The following TSHZ1 variants were observed in gnomAD, a reference collection of about 807,000 sequenced individuals.
TSHZ1 encodes the protein teashirt homolog 1.
In TSHZ1, 12 loss-of-function variants were observed where a neutral mutation model predicts 67.1. The ratio of observed to expected loss-of-function variants is 0.18; its 90% CI spans 0.11 to 0.29. TSHZ1 has a LOEUF of 0.29. TSHZ1 is among the 10% of genes least tolerant of loss of function. The pLI, the probability that TSHZ1 is intolerant of heterozygous loss-of-function variation, is 1.00. For missense variants in TSHZ1, 1,305 were observed against 1,413.9 expected (o/e 0.92, Z 1.23); for synonymous variants, 632 against 622.4 (o/e 1.02, Z -0.23).
At chr18:75,255,319 C>T (rs1019606978) in intron 1 of TSHZ1, among the ~76,000 whole-genome samples, 4 of 152,148 alleles carry the variant, frequency 2.6e-5, no homozygotes, top group African/African-American at 9.7e-5. Flanking sequence ...TGGTATGCTG[C>T]TCTTCCATGC....
At chr18:75,226,753 A>C (rs1318644902) in intron 1 of TSHZ1, among the ~76,000 whole-genome samples, 1 of 152,102 alleles carries the variant, frequency 6.6e-6, no homozygotes, top group Non-Finnish European at 1.5e-5. Context: ...CATTTATCAA[A>C]GGGGCCAGGC....
intron 1 of TSHZ1, among the ~76,000 whole-genome samples, chr18:75,240,028 A>G (rs1012004675): frequency 1.3e-5 from 2 of 152,212 alleles, no homozygotes; most frequent in Non-Finnish European, 2.9e-5. Context: ...TATGGTAAAA[A>G]TAGGATTAAA....
At chr18:75,250,571 G>A (rs2023288578) in intron 1 of TSHZ1, among the ~76,000 whole-genome samples, 1 of 152,210 alleles carries the variant, frequency 6.6e-6, no homozygotes, top group South Asian at 2.1e-4. Flanking sequence ...GCGGTAGAGG[G>A]TCGGCTCAGC....
chr18:75,275,782 G>A (rs1222585284), intron 1 of TSHZ1, among the ~76,000 whole-genome samples: 3 of 152,136 alleles, frequency 2.0e-5, no homozygotes, highest in African/African-American at 7.2e-5. Flanking sequence ...GCAGGTCTTG[G>A]GGATGACTAG....
In TSHZ1 at chr18:75,256,775, C is replaced by T. The variant is rs1599043358; in HGVS notation, c.41-28673C>T. Among the ~76,000 whole-genome samples, 3 of 152,068 alleles carry T rather than the reference C, an allele frequency of 2.0e-5. 1 individual carries two copies. The South Asian group carries it at 6.2e-4, about 32-fold the overall frequency. Reference sequence around the variant, plus strand: ...TGCAATATGAAGTTTTTGGGTAATTCCTGAAGCAACATGTGTTATGTAGAT... The same window carrying T: ...TGCAATATGAAGTTTTTGGGTAATTTCTGAAGCAACATGTGTTATGTAGAT... On this transcript the variant is annotated intron_variant, in intron 1 of 1. Transcript: ENST00000580243.
rs1171245275 is a variant in TSHZ1 at position 75,211,161 on chromosome 18, A to G, written c.-716A>G. 6.6e-6 allele frequency: 1 copy of G among 152,020 alleles called. No homozygotes were observed. The highest frequency in any genetic ancestry group is 1.5e-5 in the Non-Finnish European group (1 of 68,008). The allele number at this position is 152,020 out of a possible 1,614,324, so 9.4% of individuals were successfully genotyped here. On this transcript the variant is annotated 5_prime_UTR_variant, in exon 1 of 2. Coordinates refer to ENST00000580243, the MANE Select transcript of TSHZ1 (RefSeq NM_001308210.2). Reference sequence around the variant, plus strand: ...CCCCGGGTGGAAGCGCGGGGCACCAAGTGGCGCTCCGGCGGGGTGACACTG... The same window carrying G: ...CCCCGGGTGGAAGCGCGGGGCACCAGGTGGCGCTCCGGCGGGGTGACACTG...
chr18:75,251,848 T>G (rs1419284121), intron 1 of TSHZ1, among the ~76,000 whole-genome samples: 1 of 152,228 alleles, frequency 6.6e-6, no homozygotes, highest in Non-Finnish European at 1.5e-5. Flanking sequence ...GGAATAAAGG[T>G]GTTAACTCAT....
chr18:75,262,470 G>A (rs1414958990), intron 1 of TSHZ1, among the ~76,000 whole-genome samples: 2 of 152,172 alleles, frequency 1.3e-5, no homozygotes, highest in African/African-American at 2.4e-5. Flanking sequence ...ATATAGACAC[G>A]GAGAGTGTGG....
chr18:75,226,933 A>G (rs1264862705), intron 1 of TSHZ1, among the ~76,000 whole-genome samples: 2 of 152,146 alleles, frequency 1.3e-5, no homozygotes. Context: ...GCCCGCTGCA[A>G]CAGCTCCGAG....
rs150393290 is a variant in TSHZ1, at chr18:75,286,027, C to T, written c.620C>T (p.Thr207Met). 4.8e-5 allele frequency: 78 copies of T among 1,611,924 alleles called. No homozygotes were observed. Among genetic ancestry groups the T allele is most frequent in the Middle Eastern group, 1.6e-4 (1 of 6,078 alleles). The change falls in exon 2 of 2, where the codon ACG becomes ATG. Residue 207 changes from threonine to methionine, a missense_variant. This residue lies in a region of TSHZ1 where 358 missense variants were observed against 375.6 expected (regional missense o/e 0.95). Transcript: ENST00000580243. This position sits in a 1 kb window ranked among gnomAD's most constrained non-coding sequence, Gnocchi z 5.1. Reference protein sequence around the residue: ...YDWHQAALAKTLQQTSSYGLL... With the variant: ...YDWHQAALAKMLQQTSSYGLL... ...TGGCACCAGGCTGCACTGGCCAAGACGCTGCAGCAGACGTCCTCGTATGGG... is the reference window on the plus strand; with the variant it reads ...TGGCACCAGGCTGCACTGGCCAAGATGCTGCAGCAGACGTCCTCGTATGGG...
chr18:75,212,017 C>A, intron 1 of TSHZ1, 101 bp downstream of exon 1: 2 of 963,898 alleles, frequency 2.1e-6, no homozygotes, highest in Non-Finnish European at 2.6e-6. Context: ...GCGGGCCGCC[C>A]CAAGCTGGGG....
At chr18:75,259,453 G>A (rs913753220) in intron 1 of TSHZ1, among the ~76,000 whole-genome samples, 1 of 152,114 alleles carries the variant, frequency 6.6e-6, no homozygotes, top group Non-Finnish European at 1.5e-5. Flanking sequence ...GTCCTACACG[G>A]TCCCTCCTAG....
rs116096444 is a variant in TSHZ1, at chr18:75,287,188, C to T, written c.1781C>T (p.Ala594Val). ...QLPGTVKPLP[A>V]AVQSVQVQPS... ...CCGGGCACCGTGAAGCCACTGCCGG[C>T]GGCCGTGCAGAGCGTGCAGGTGCAG... Residue 594 changes from alanine (A) to valine (V), a missense_variant, in exon 2 of 2, where the codon GCG (alanine) becomes GTG (valine). This residue lies in a region of TSHZ1 where 909 missense variants were observed against 961.8 expected (regional missense o/e 0.95). Transcript: ENST00000580243. The surrounding 1 kb of genome is among the most constrained non-coding windows in gnomAD (Gnocchi z 5.0). The T allele has an allele frequency of 7.9e-4, 1,273 of 1,613,534 alleles. 10 individuals carry two copies. The African/African-American group carries it at 0.015, about 19-fold the overall frequency.
chr18:75,288,587 C>A lies in TSHZ1; in HGVS notation c.3180C>A (p.His1060Gln). 1 of 1,612,858 alleles carries A rather than the reference C, an allele frequency of 6.2e-7. No individual in the cohort carries two copies. The highest frequency in any genetic ancestry group is 8.5e-7 in the Non-Finnish European group (1 of 1,179,486). Reference protein sequence around the residue: ...HAVKLHLSKTHGKSPEDHLIY... With the variant: ...HAVKLHLSKTQGKSPEDHLIY... The stretch of plus-strand genomic sequence containing the variant: ...TCAAACTGCACCTTAGTAAGACCCA[C>A]GGCAAGTCTCCCGAGGACCACCTGA... The change falls in exon 2 of 2, where the codon CAC becomes CAA. Residue 1060 changes from histidine to glutamine, a missense_variant. Around this residue, in one of 3 missense-constraint regions of TSHZ1, gnomAD observed 909 missense variants for 961.8 expected, o/e 0.95. Coordinates refer to ENST00000580243, the MANE Select transcript of TSHZ1 (RefSeq NM_001308210.2). The surrounding 1 kb of genome is among the most constrained non-coding windows in gnomAD (Gnocchi z 4.9).
chr18:75,285,289 C>T (rs2023736916), intron 1 of TSHZ1, 159 bp from the exon 2 acceptor site: 1 of 826,896 alleles, frequency 1.2e-6, no homozygotes, highest in African/African-American at 1.7e-5. Context: ...CTTTTGAAAC[C>T]TAACTCCTGC....
At chr18:75,265,066 A>G (rs963267687) in intron 1 of TSHZ1, among the ~76,000 whole-genome samples, 5 of 152,220 alleles carry the variant, frequency 3.3e-5, no homozygotes, top group African/African-American at 1.2e-4. Context: ...TTACATGCAG[A>G]ATGTGATCCC....
intron 1 of TSHZ1, among the ~76,000 whole-genome samples, chr18:75,238,251 A>G (rs2023106106): frequency 1.3e-5 from 2 of 152,194 alleles, no homozygotes; most frequent in Admixed American, 1.3e-4. Context: ...CAGACATGCC[A>G]CGTAGACTAA....
chr18:75,259,634 A>G (rs1309143172), intron 1 of TSHZ1, among the ~76,000 whole-genome samples: 2 of 152,212 alleles, frequency 1.3e-5, no homozygotes, highest in Non-Finnish European at 2.9e-5. Context: ...TTATTACAGT[A>G]CATAGTTATG....
At chr18:75,220,766 T>C (rs1477280224) in intron 1 of TSHZ1, among the ~76,000 whole-genome samples, 3 of 152,224 alleles carry the variant, frequency 2.0e-5, no homozygotes, top group Non-Finnish European at 4.4e-5. Context: ...ACCACACTGC[T>C]GCAGCAGTAA....
Sources: allele counts gnomAD v4.1 joint callset (sites outside exome capture counted in the v4.1 genomes callset), GRCh38; gene constraint gnomAD v4.1.1; regional missense constraint gnomAD v4.1.1; non-coding constraint Gnocchi (gnomAD v3.1); transcripts MANE v1.5; gene names NCBI Gene and HGNC (gene_info 2026-07-23, HGNC 2026-07-21).